PDE4D: variants seen among roughly 807,000 people sequenced by gnomAD.
The protein encoded by PDE4D is 3',5'-cyclic-AMP phosphodiesterase 4D.
Under a neutral mutation model 87.4 loss-of-function variants are expected in PDE4D, and 24 were observed. That is an observed-to-expected ratio of 0.27 (90% CI 0.20 to 0.39). The LOEUF (loss-of-function observed/expected upper bound fraction) is 0.39. Among genes scored for constraint, PDE4D ranks in the 10% least tolerant of loss-of-function variants. PDE4D has a pLI of 1.00. For missense variants in PDE4D, 714 were observed against 1,041.0 expected, an observed-to-expected ratio of 0.69 and a Z score of 4.32; for synonymous variants, 384 against 383.2, an observed-to-expected ratio of 1.00 and a Z score of -0.02.
chr5:60,084,127 T>A (rs551010612), intron 2 of PDE4D, among the ~76,000 whole-genome samples: 8 of 152,334 alleles, frequency 5.3e-5, no homozygotes, highest in African/African-American at 1.9e-4. Flanking sequence ...TGAACCAGAT[T>A]TGGTAATATG....
At chr5:59,339,494 A>T (rs571603375) in intron 1 of PDE4D, among the ~76,000 whole-genome samples, 4 of 152,354 alleles carry the variant, frequency 2.6e-5, no homozygotes, top group African/African-American at 9.6e-5. Flanking sequence ...AAAAGATTTT[A>T]AAAAGTTAAA....
intron 1 of PDE4D, among the ~76,000 whole-genome samples, chr5:60,496,709 G>A (rs1162322832): frequency 1.3e-5 from 2 of 152,192 alleles, no homozygotes; most frequent in East Asian, 1.9e-4. Flanking sequence ...TTTTCACCAA[G>A]AGTGAGAAAG....
At chr5:60,140,117 T>C (rs1167621321) in intron 2 of PDE4D, among the ~76,000 whole-genome samples, 2 of 152,108 alleles carry the variant, frequency 1.3e-5, no homozygotes, top group Non-Finnish European at 2.9e-5. Flanking sequence ...AGTTAGAATA[T>C]GAATGAATTT....
chr5:60,120,710 T>C (rs1302951470), intron 2 of PDE4D, among the ~76,000 whole-genome samples: 3 of 152,148 alleles, frequency 2.0e-5, no homozygotes, highest in Admixed American at 1.3e-4. Flanking sequence ...GCGAAGTTTA[T>C]ACTCCCACAT....
intron 2 of PDE4D, among the ~76,000 whole-genome samples, chr5:60,035,996 A>T (rs1348092107): frequency 6.6e-6 from 1 of 152,322 alleles, no homozygotes; most frequent in African/African-American, 2.4e-5. Flanking sequence ...TTGCTTAGAC[A>T]TATAGAATTT....
chr5:59,099,637 T>C (rs1770387983), intron 5 of PDE4D, among the ~76,000 whole-genome samples: 1 of 152,258 alleles, frequency 6.6e-6, no homozygotes, highest in South Asian at 2.1e-4. Flanking sequence ...TTGAACTTCA[T>C]GAGTGACTCT....
chr5:59,584,019 C>G (rs544483746), intron 1 of PDE4D, among the ~76,000 whole-genome samples: 2 of 152,140 alleles, frequency 1.3e-5, no homozygotes, highest in African/African-American at 4.8e-5. Context: ...GGTCCCTTCA[C>G]GAAGAAAAGG....
At chr5:59,364,598 A>C (rs994564780) in intron 1 of PDE4D, among the ~76,000 whole-genome samples, 3 of 152,220 alleles carry the variant, frequency 2.0e-5, no homozygotes. Context: ...TCAAAGAAAC[A>C]AAATTATAAC....
At chr5:59,802,192 C>T (rs1208040887) in intron 1 of PDE4D, among the ~76,000 whole-genome samples, 2 of 151,954 alleles carry the variant, frequency 1.3e-5, no homozygotes, top group Admixed American at 6.6e-5. Context: ...AGAAGAGAAC[C>T]TCTGGGACAT....
intron 5 of PDE4D, among the ~76,000 whole-genome samples, chr5:59,157,835 C>T (rs6896497): frequency 0.24 from 36,135 of 152,056 alleles, 4,565 homozygotes; most frequent in African/African-American, 0.29. Flanking sequence ...TAATTGGTAT[C>T]ATGGAGCCAG....
At chr5:59,287,393 C>T (rs1402144202) in intron 1 of PDE4D, among the ~76,000 whole-genome samples, 9 of 151,954 alleles carry the variant, frequency 5.9e-5, no homozygotes, top group South Asian at 2.1e-4. Context: ...GCTCACCCAC[C>T]GTAGAATAGA....
chr5:60,053,847 C>A (rs946427394), intron 2 of PDE4D, among the ~76,000 whole-genome samples: 3 of 152,012 alleles, frequency 2.0e-5, no homozygotes, highest in African/African-American at 7.2e-5. Context: ...AAGAAAAAAA[C>A]AAAGAAACCC....
chr5:60,519,211 G>A (rs1750932286), intron 1 of PDE4D, among the ~76,000 whole-genome samples: 1 of 152,214 alleles, frequency 6.6e-6, no homozygotes, highest in Non-Finnish European at 1.5e-5. Context: ...GATGTGCACA[G>A]TCGTATTAAA....
In PDE4D at chr5:60,004,836, G is replaced by A. The variant is rs551275834; in HGVS notation, c.43-16119C>T. ...GGTGACTATGTGGAGAATTGGGAAC[G>A]CTTGTAGCACTGCGGTGAAAACGTA... is the stretch of plus-strand genomic sequence containing the variant. On this transcript the variant is annotated intron_variant, in intron 2 of 16. Coordinates refer to the PDE4D transcript ENST00000502484. 1.1e-4 allele frequency among the ~76,000 whole-genome samples: 16 copies of A among 152,222 alleles called. No homozygotes were observed. In the South Asian group the frequency reaches 1.5e-3, roughly 14 times the overall value.
At chr5:59,726,480 C>T (rs1370584078) in intron 1 of PDE4D, among the ~76,000 whole-genome samples, 2 of 152,010 alleles carry the variant, frequency 1.3e-5, no homozygotes, top group African/African-American at 4.8e-5. Context: ...CACCAGAGAG[C>T]TTGCTCTTTC....
intron 1 of PDE4D, among the ~76,000 whole-genome samples, chr5:59,883,661 CAG>C (rs1406533754): frequency 6.6e-6 from 1 of 152,146 alleles, no homozygotes; most frequent in Non-Finnish European, 1.5e-5. Flanking sequence ...TTTTAATTCT[CAG>C]AGTTAATAGC....
intron 1 of PDE4D, among the ~76,000 whole-genome samples, chr5:59,878,678 TAA>T (rs896080448): frequency 7.9e-5 from 12 of 152,066 alleles, no homozygotes; most frequent in African/African-American, 2.9e-4. Context: ...CTAATAGCAT[TAA>T]GTCAGTCAGT....
intron 2 of PDE4D, among the ~76,000 whole-genome samples, chr5:60,068,607 T>C (rs1305967124): frequency 6.6e-6 from 1 of 151,952 alleles, no homozygotes; most frequent in Non-Finnish European, 1.5e-5. Context: ...TTATTACTAT[T>C]ATTTGCAATA....
chr5:59,745,475 C>T (rs538981324), intron 1 of PDE4D, among the ~76,000 whole-genome samples: 7 of 152,156 alleles, frequency 4.6e-5, no homozygotes, highest in East Asian at 3.9e-4. Flanking sequence ...TTGGCAAGAG[C>T]GTCATCAGAG....
Sources: allele counts gnomAD v4.1 joint callset (sites outside exome capture counted in the v4.1 genomes callset), GRCh38; gene constraint gnomAD v4.1.1; transcripts MANE v1.5; gene names NCBI Gene and HGNC (gene_info 2026-07-23, HGNC 2026-07-21).